The following DCTN1 variants were observed in gnomAD, a reference collection of about 807,000 sequenced individuals.
The protein encoded by DCTN1 is dynactin subunit 1.
Under a neutral mutation model 161.2 loss-of-function variants are expected in DCTN1, and 61 were observed. That is an observed-to-expected ratio of 0.38 (90% CI 0.31 to 0.47). The LOEUF (loss-of-function observed/expected upper bound fraction) is 0.47, where lower values mean the gene tolerates loss of function less well. Ranked by LOEUF, DCTN1 falls within the 20% of genes least tolerant of loss-of-function variation. DCTN1 has a pLI of 0.99. For synonymous variants in DCTN1, 653 were observed against 632.4 expected (o/e 1.03, Z -0.49); for missense variants, 1,404 against 1,623.7 (o/e 0.86, Z 2.33).
Position 74,367,116 on chromosome 2 carries a change from A to G in DCTN1, c.2254-9T>C. On this transcript the variant is annotated splice_polypyrimidine_tract_variant and intron_variant, in intron 19 of 31. Transcript: ENST00000628224. Reference sequence around the variant, plus strand: ...AGAGCACTCTGCGTGAACTGTGAGGATAGAAGCATGCAATCATCAGCCCCC... The same window carrying G: ...AGAGCACTCTGCGTGAACTGTGAGGGTAGAAGCATGCAATCATCAGCCCCC... The G allele has an allele frequency of 6.2e-7, 1 of 1,614,124 alleles. No homozygotes were observed. The highest frequency in any genetic ancestry group is 8.5e-7 in the Non-Finnish European group (1 of 1,180,012).
intron 1 of DCTN1, 80 bp downstream of exon 1, chr2:74,379,925 C>T: frequency 1.4e-6 from 2 of 1,436,202 alleles, no homozygotes; most frequent in African/African-American, 1.4e-5. Flanking sequence ...ATCTCCCCAG[C>T]CCCCACAGCA....
chr2:74,383,096 A>T (rs1343158342), upstream of DCTN1, among the ~76,000 whole-genome samples: 2 of 147,792 alleles, frequency 1.4e-5, no homozygotes, highest in Non-Finnish European at 2.9e-5. Flanking sequence ...AAAAAAAAAT[A>T]AATAAATAAA....
intron 1 of DCTN1, 145 bp downstream of exon 1, chr2:74,379,860 C>A (rs1675429774): frequency 1.2e-6 from 1 of 829,130 alleles, no homozygotes; most frequent in Non-Finnish European, 2.0e-6. Context: ...ACCACCAGGG[C>A]TTCGAGGGCT....
At position 74,369,541 on chromosome 2, in the gene DCTN1, C is replaced by G; in HGVS notation, c.1393-50G>C. The G allele has an allele frequency of 1.3e-6, 2 of 1,590,388 alleles. No individual in the cohort carries two copies. Among genetic ancestry groups the G allele is most frequent in the Non-Finnish European group, 1.7e-6 (2 of 1,168,876 alleles). ...GCTAAAGAAAGGCAGGGTCGGCCAG[C>G]GGCGGTGGTTCACACCTGTAATCCC... On this transcript the variant is annotated intron_variant, in intron 13 of 31. Transcript: ENST00000628224. This position sits in a 1 kb window ranked among gnomAD's most constrained non-coding sequence, Gnocchi z 4.9.
chr2:74,389,141 T>C (rs1675879393), intron 1 of DCTN1, among the ~76,000 whole-genome samples: 2 of 152,104 alleles, frequency 1.3e-5, no homozygotes, highest in African/African-American at 4.8e-5. Context: ...GGGCCCATGC[T>C]CTGCTGTAGT....
intron 4 of DCTN1, 46 bp downstream of exon 4, chr2:74,377,386 T>G (rs1362761417): frequency 6.4e-7 from 1 of 1,558,904 alleles, no homozygotes; most frequent in South Asian, 1.1e-5. Context: ...CTCTTTCTCC[T>G]TCCCCTCCCT....
Position 74,369,816 on chromosome 2 carries a change from G to GAAA in DCTN1, c.1392+146_1392+148dup, listed in dbSNP as rs58901202. On this transcript the variant is annotated intron_variant, in intron 13 of 31. Coordinates refer to ENST00000628224, the MANE Select transcript of DCTN1 (RefSeq NM_004082.5). This position sits in a 1 kb window ranked among gnomAD's most constrained non-coding sequence, Gnocchi z 4.9. ...GGCAACAGAGCGAGATTCCATCTCA[G>GAAA]AAAAAAAAAAAAAAAAAAAAGGCAG... 3,521 of 502,170 alleles carry GAAA rather than the reference G, an allele frequency of 7.0e-3. 9 individuals are homozygous for GAAA. Among genetic ancestry groups the GAAA allele is most frequent in the African/African-American group, 0.022 (664 of 29,516 alleles). The allele number at this position is 502,170 out of a possible 1,614,324, so 31.1% of individuals were successfully genotyped here.
At position 74,377,675 on chromosome 2, in the gene DCTN1, A is replaced by T; in HGVS notation, c.331T>A (p.Ser111Thr). ...CTTTTGAGGACTTTTGAAGCAGAAG[A>T]ATCAGGTGTCTCTGGGGAAGTAGTA... ...ADTTSPETPD[S>T]SASKVLKREG... Residue 111 changes from serine (S) to threonine (T), a missense_variant, in exon 3 of 32, where the codon TCT becomes ACT. Around this residue, in one of 9 missense-constraint regions of DCTN1, gnomAD observed 174 missense variants for 175.6 expected, o/e 0.99. Coordinates refer to ENST00000628224, the MANE Select transcript of DCTN1 (RefSeq NM_004082.5). 1 of 1,614,164 alleles carries T rather than the reference A, an allele frequency of 6.2e-7. No homozygotes were observed. The highest frequency in any genetic ancestry group is 8.5e-7 in the Non-Finnish European group (1 of 1,180,018).
chr2:74,368,646 T>C, intron 16 of DCTN1, 82 bp downstream of exon 16: 1 of 1,594,754 alleles, frequency 6.3e-7, no homozygotes, highest in Non-Finnish European at 8.6e-7. Flanking sequence ...AGAGACTCTG[T>C]TGTCTTCACT....
Position 74,366,547 on chromosome 2 carries a change from G to A in DCTN1, c.2540C>T (p.Ala847Val). 8 of 1,613,964 alleles carry A rather than the reference G, an allele frequency of 5.0e-6. No individual in the cohort carries two copies. The highest frequency in any genetic ancestry group is 6.8e-6 in the Non-Finnish European group (8 of 1,179,982). Residue 847 changes from alanine to valine, a missense_variant, in exon 22 of 32, where the codon GCT (alanine) becomes GTT (valine). Transcript: ENST00000628224. ...VVAVLQEVAAAAAQLIAPLAE... is the reference protein window; with the variant it reads ...VVAVLQEVAAVAAQLIAPLAE... ...CAGTGGGGCAATGAGCTGGGCAGCA[G>A]CAGCTGCCACCTCCTGCAGCACAGC...
intron 7 of DCTN1, 74 bp downstream of exon 7, chr2:74,372,854 G>A (rs936310623): frequency 2.6e-5 from 37 of 1,421,814 alleles, no homozygotes; most frequent in Middle Eastern, 1.7e-4. Flanking sequence ...TCATACACGT[G>A]CCCTCATACA....
At position 74,365,503 on chromosome 2, in the gene DCTN1, A is replaced by G. The variant is rs1253618987; in HGVS notation, c.3029+12T>C. 16 of 1,613,986 alleles carry G rather than the reference A, an allele frequency of 9.9e-6. No homozygotes were observed. Among genetic ancestry groups the G allele is most frequent in the Non-Finnish European group, 1.4e-5 (16 of 1,180,020 alleles). ...GATTAGAGGAAGCAAGGCCCCAGGG[A>G]AAGTGCCTGACTTCTCCTTCTTTCG... is the stretch of plus-strand genomic sequence containing the variant. On this transcript the variant is annotated intron_variant, in intron 25 of 31. Transcript: ENST00000628224.
rs199672121 is a variant in DCTN1 at position 74,370,817 on chromosome 2, C to T, written c.852G>A (p.Lys284=). ...AGCGTTCCTTTGCCTCCAGCGCCTC[C>T]TTGGCTTCCTGAGGAAGAAGTGGAG... ...RRLKEARKEA[K]EALEAKERYM... is the part of the protein sequence containing the mutation. The change falls in exon 10 of 32, where the codon AAG becomes AAA. Residue 284 remains lysine, a synonymous_variant. Transcript: ENST00000628224. The surrounding 1 kb of genome is among the most constrained non-coding windows in gnomAD (Gnocchi z 4.4). 2.7e-5 allele frequency: 43 copies of T among 1,614,108 alleles called. No homozygotes were observed. Among genetic ancestry groups the T allele is most frequent in the Non-Finnish European group, 3.5e-5 (41 of 1,180,040 alleles).
rs1674669815 is a variant in DCTN1, at chr2:74,369,473, T to TC, written c.1410dup (p.Asn471GlufsTer3). 1 of 1,613,456 alleles carries TC rather than the reference T, an allele frequency of 6.2e-7. No homozygotes were observed. The highest frequency in any genetic ancestry group is 1.3e-5 in the African/African-American group (1 of 74,916). On this transcript the variant is annotated frameshift_variant, in exon 14 of 32. Transcript: ENST00000628224. LOFTEE classifies it high-confidence loss of function. This position sits in a 1 kb window ranked among gnomAD's most constrained non-coding sequence, Gnocchi z 4.9. ...CGTGCATTCTCCTGCAGCTCATCGT[T>TC]CATCTCATTCATCGCTTCCTAGGAC... is the stretch of plus-strand genomic sequence containing the variant.
intron 21 of DCTN1, 56 bp downstream of exon 21, chr2:74,366,727 T>C: frequency 1.2e-6 from 2 of 1,614,248 alleles, no homozygotes; most frequent in East Asian, 2.2e-5. Flanking sequence ...CTTCAAGTGC[T>C]ATACCCTTCA....
Position 74,366,311 on chromosome 2 carries a change from C to G in DCTN1, c.2693G>C (p.Ser898Thr). Residue 898 changes from serine to threonine, a missense_variant, in exon 23 of 32, where the codon AGT becomes ACT. This residue lies in a region of DCTN1 where 475 missense variants were observed against 489.8 expected (regional missense o/e 0.97). Coordinates refer to ENST00000628224, the MANE Select transcript of DCTN1 (RefSeq NM_004082.5). The part of the protein sequence containing the change: ...CLRQSCNILI[S>T]TMNKLATAMQ... The stretch of plus-strand genomic sequence containing the variant: ...GGCTGTGGCCAGCTTGTTCATGGTA[C>G]TGATGAGGATGTTGCATGACTGGCG... 1 of 1,614,214 alleles carries G rather than the reference C, an allele frequency of 6.2e-7. No homozygotes were observed.
chr2:74,375,423 C>T (rs1448794005), intron 5 of DCTN1, among the ~76,000 whole-genome samples: 3 of 152,204 alleles, frequency 2.0e-5, no homozygotes, highest in Admixed American at 6.5e-5. Context: ...TGGGGTGCTC[C>T]GGGGTGGGGG....
At chr2:74,384,225 A>G (rs1354256467), upstream of DCTN1, among the ~76,000 whole-genome samples, 1 of 152,252 alleles carries the variant, frequency 6.6e-6, no homozygotes, top group Non-Finnish European at 1.5e-5. Flanking sequence ...CCTGTGATGT[A>G]GCCAAAACAG....
At chr2:74,364,216 C>T (rs1040549665) in intron 26 of DCTN1, 2 of 163,724 alleles carry the variant, frequency 1.2e-5, no homozygotes, top group Non-Finnish European at 2.7e-5. Flanking sequence ...GAACACAGAG[C>T]TGTCTGTACC....
Sources: allele counts gnomAD v4.1 joint callset (sites outside exome capture counted in the v4.1 genomes callset), GRCh38; gene constraint gnomAD v4.1.1; regional missense constraint gnomAD v4.1.1; non-coding constraint Gnocchi (gnomAD v3.1); transcripts MANE v1.5; gene names NCBI Gene and HGNC (gene_info 2026-07-23, HGNC 2026-07-21).